NSMCE2: variants seen among roughly 807,000 people sequenced by gnomAD.
NSMCE2 encodes the protein NSE2 SUMO ligase component of SMC5/6 complex, also known as E3 SUMO-protein ligase NSE2.
In NSMCE2, 24 loss-of-function variants were observed where a neutral mutation model predicts 23.8. That is an observed-to-expected ratio of 1.01 (90% CI 0.73 to 1.42). The LOEUF (loss-of-function observed/expected upper bound fraction) is 1.42, where lower values mean the gene tolerates loss of function less well. Among genes scored for constraint, NSMCE2 ranks in the 40% most tolerant of loss-of-function variants. The pLI is 0.00. For missense variants in NSMCE2, 284 were observed against 296.5 expected, an observed-to-expected ratio of 0.96 and a Z score of 0.31; for synonymous variants, 92 against 94.1, an observed-to-expected ratio of 0.98 and a Z score of 0.13.
intron 4 of NSMCE2, among the ~76,000 whole-genome samples, chr8:125,174,953 G>A (rs1384394533): frequency 6.6e-6 from 1 of 151,874 alleles, no homozygotes; most frequent in African/African-American, 2.4e-5. Flanking sequence ...GAGATGAAGG[G>A]GTATAATCCA....
At chr8:125,133,881 C>T (rs546001556) in intron 3 of NSMCE2, among the ~76,000 whole-genome samples, 18 of 152,164 alleles carry the variant, frequency 1.2e-4, no homozygotes, top group Admixed American at 3.3e-4. Flanking sequence ...ACATTAGAAC[C>T]GTGGATCTCA....
chr8:125,166,842 C>T (rs867227769), intron 4 of NSMCE2, among the ~76,000 whole-genome samples: 4 of 152,122 alleles, frequency 2.6e-5, no homozygotes, highest in Admixed American at 6.5e-5. Flanking sequence ...CATTCTCCTC[C>T]GAAGTCTTTT....
intron 5 of NSMCE2, among the ~76,000 whole-genome samples, chr8:125,309,116 G>A (rs535292393): frequency 3.9e-5 from 6 of 152,068 alleles, no homozygotes; most frequent in East Asian, 1.9e-4. Context: ...GCATGGTGGC[G>A]CATCCCTGTA....
intron 3 of NSMCE2, among the ~76,000 whole-genome samples, chr8:125,120,646 C>T (rs1372701922): frequency 2.0e-5 from 3 of 152,120 alleles, no homozygotes; most frequent in Admixed American, 2.0e-4. Flanking sequence ...TTGCTATAAA[C>T]AATTAGGCCT....
intron 5 of NSMCE2, among the ~76,000 whole-genome samples, chr8:125,325,406 A>C (rs1441030335): frequency 6.6e-6 from 1 of 152,256 alleles, no homozygotes; most frequent in East Asian, 1.9e-4. Context: ...GTTGGAGTGC[A>C]GTGGCACGAT....
intron 5 of NSMCE2, among the ~76,000 whole-genome samples, chr8:125,265,660 A>G (rs1826881082): frequency 6.6e-6 from 1 of 152,208 alleles, no homozygotes; most frequent in Non-Finnish European, 1.5e-5. Flanking sequence ...GCCTTGCCTT[A>G]GAGATTTAAT....
intron 5 of NSMCE2, among the ~76,000 whole-genome samples, chr8:125,268,902 C>T (rs1400466798): frequency 6.6e-6 from 1 of 151,974 alleles, no homozygotes; most frequent in Non-Finnish European, 1.5e-5. Flanking sequence ...CTTGGAGGAG[C>T]AAGAGTATCA....
At chr8:125,211,565 G>A (rs1824347167) in intron 5 of NSMCE2, among the ~76,000 whole-genome samples, 1 of 152,228 alleles carries the variant, frequency 6.6e-6, no homozygotes, top group Non-Finnish European at 1.5e-5. Context: ...ACATACAGAA[G>A]TCCACACAAG....
intron 3 of NSMCE2, among the ~76,000 whole-genome samples, chr8:125,117,890 A>G (rs536619519): frequency 2.6e-5 from 4 of 152,362 alleles, no homozygotes; most frequent in Non-Finnish European, 5.9e-5. Context: ...TTCTCTTAAT[A>G]CAAATATCTG....
chr8:125,304,423 C>T (rs1360980884), intron 5 of NSMCE2, among the ~76,000 whole-genome samples: 1 of 151,978 alleles, frequency 6.6e-6, no homozygotes, highest in South Asian at 2.1e-4. Flanking sequence ...TTCAGTGCCC[C>T]GTGATGTATG....
At chr8:125,101,747 G>A (rs560183073) in intron 1 of NSMCE2, among the ~76,000 whole-genome samples, 1 of 152,330 alleles carries the variant, frequency 6.6e-6, no homozygotes, top group South Asian at 2.1e-4. Flanking sequence ...GCTGCCAGAA[G>A]ACAAGTTTAT....
intron 7 of NSMCE2, among the ~76,000 whole-genome samples, chr8:125,358,501 TAC>T (rs533204122): frequency 3.0e-4 from 46 of 151,276 alleles, no homozygotes; most frequent in Middle Eastern, 3.4e-3. Flanking sequence ...ATATATAATA[TAC>T]ACACACACAC....
At chr8:125,357,181 A>G (rs1813317561) in intron 5 of NSMCE2, 38 bp from the exon 6 acceptor site, 3 of 1,310,624 alleles carry the variant, frequency 2.3e-6, no homozygotes, top group African/African-American at 2.9e-5. Flanking sequence ...CTTTGACGTT[A>G]GACCAGAGAG....
chr8:125,316,783 T>C lies in NSMCE2; in HGVS notation c.419-40436T>C, dbSNP rs570179678. On this transcript the variant is annotated intron_variant, in intron 5 of 7. Coordinates refer to ENST00000287437, the MANE Select transcript of NSMCE2 (RefSeq NM_173685.4). ...TCCTTCCTTCCTTCTCTCTCTCTCTTTCTTTCTTTCTTTCTTCTTTCCTCT... is the reference window on the plus strand; with the variant it reads ...TCCTTCCTTCCTTCTCTCTCTCTCTCTCTTTCTTTCTTTCTTCTTTCCTCT... Among the ~76,000 whole-genome samples, 104 of 103,462 alleles carry C rather than the reference T, an allele frequency of 1.0e-3. 2 individuals carry two copies. In the South Asian group the frequency reaches 0.018, roughly 18 times the overall value. 67.9% of individuals were successfully genotyped at this position (103,462 alleles called of 152,430 possible).
At chr8:125,244,447 A>G (rs949374353) in intron 5 of NSMCE2, among the ~76,000 whole-genome samples, 6 of 152,196 alleles carry the variant, frequency 3.9e-5, no homozygotes, top group African/African-American at 1.4e-4. Flanking sequence ...AGCATAAAAA[A>G]ACAAAATGTA....
chr8:125,231,001 C>T (rs965330590), intron 5 of NSMCE2, among the ~76,000 whole-genome samples: 1 of 152,108 alleles, frequency 6.6e-6, no homozygotes, highest in African/African-American at 2.4e-5. Flanking sequence ...AACAAAATCA[C>T]AATATAGATT....
chr8:125,316,084 G>A (rs370571754), intron 5 of NSMCE2, among the ~76,000 whole-genome samples: 3 of 152,134 alleles, frequency 2.0e-5, no homozygotes, highest in Non-Finnish European at 4.4e-5. Context: ...TGGGATTATA[G>A]GTATGAGCCA....
At chr8:125,162,422 A>G (rs1167562136) in intron 4 of NSMCE2, among the ~76,000 whole-genome samples, 1 of 152,200 alleles carries the variant, frequency 6.6e-6, no homozygotes, top group South Asian at 2.1e-4. Flanking sequence ...TTTATAATGT[A>G]AAGTGTCATA....
chr8:125,363,345 AT>A (rs1336926673), intron 7 of NSMCE2: 2 of 151,834 alleles, frequency 1.3e-5, no homozygotes, highest in African/African-American at 4.8e-5. Context: ...TCTACCAAAA[AT>A]TTTTTAAAAA....
Sources: allele counts gnomAD v4.1 joint callset (sites outside exome capture counted in the v4.1 genomes callset), GRCh38; gene constraint gnomAD v4.1.1; transcripts MANE v1.5; gene names NCBI Gene and HGNC (gene_info 2026-07-23, HGNC 2026-07-21).